The following ABHD5 variants were observed in gnomAD, a reference collection of about 807,000 sequenced individuals.
ABHD5 encodes 1-acylglycerol-3-phosphate O-acyltransferase ABHD5.
Under a neutral mutation model 44.9 loss-of-function variants are expected in ABHD5, and 30 were observed. That is an observed-to-expected ratio of 0.67 (90% CI 0.50 to 0.91). The LOEUF (loss-of-function observed/expected upper bound fraction) is 0.91. ABHD5 is among the 40% of genes least tolerant of loss of function. ABHD5 has a pLI of 0.00. For missense variants in ABHD5, 399 were observed against 423.4 expected (o/e 0.94, Z 0.50); for synonymous variants, 167 against 147.0 (o/e 1.14, Z -0.99).
At chr3:43,694,103 C>CA (rs1266807957) in intron 1 of ABHD5, among the ~76,000 whole-genome samples, 3 of 150,734 alleles carry the variant, frequency 2.0e-5, no homozygotes, top group East Asian at 2.0e-4. Context: ...ATTAAAAATA[C>CA]AAAAAAATTA....
intron 1 of ABHD5, among the ~76,000 whole-genome samples, chr3:43,692,119 G>A (rs994976985): frequency 2.0e-5 from 3 of 152,092 alleles, no homozygotes; most frequent in Non-Finnish European, 4.4e-5. Context: ...ATTTTTTGAC[G>A]TCGGTTCTAC....
chr3:43,725,625 G>A (rs147443747), downstream of ABHD5, among the ~76,000 whole-genome samples: 1 of 152,196 alleles, frequency 6.6e-6, no homozygotes, highest in East Asian at 1.9e-4. Flanking sequence ...TTAAAATATT[G>A]TGTTCATCTG....
intron 2 of ABHD5, 87 bp downstream of exon 2, chr3:43,699,448 C>T: frequency 1.6e-6 from 2 of 1,241,886 alleles, no homozygotes; most frequent in Non-Finnish European, 2.3e-6. Flanking sequence ...AGGTAAGATT[C>T]TGTGGTGTGT....
At chr3:43,696,743 G>T (rs1450968508) in intron 1 of ABHD5, among the ~76,000 whole-genome samples, 1 of 152,180 alleles carries the variant, frequency 6.6e-6, no homozygotes, top group Non-Finnish European at 1.5e-5. Context: ...AGAAGCAGAG[G>T]ATAGTTTCTG....
At chr3:43,699,772 A>C (rs1486710675) in intron 2 of ABHD5, 1 of 173,718 alleles carries the variant, frequency 5.8e-6, no homozygotes, top group Non-Finnish European at 1.2e-5. Context: ...TACTTTCCAA[A>C]CATTGTTTAC....
intron 5 of ABHD5, 61 bp downstream of exon 5, chr3:43,715,119 G>A: frequency 9.0e-7 from 1 of 1,112,140 alleles, no homozygotes; most frequent in South Asian, 1.3e-5. Flanking sequence ...GTGTGTGTGT[G>A]TTTGTGTGTG....
In ABHD5 at chr3:43,721,021, A is replaced by G. The variant is rs982311926; in HGVS notation, c.*2489A>G. The G allele has an allele frequency of 3.3e-5, 5 of 152,116 alleles. No homozygotes were observed. Among genetic ancestry groups the G allele is most frequent in the African/African-American group, 1.2e-4 (5 of 41,426 alleles). The allele number at this position is 152,116 out of a possible 1,614,324, so 9.4% of individuals were successfully genotyped here. The stretch of plus-strand genomic sequence containing the variant: ...TATATATTTATACTTAAAGGGCCAT[A>G]CGCGATTTCAATAAAACAAGAAGTA... On this transcript the variant is annotated 3_prime_UTR_variant, in exon 7 of 7. Transcript: ENST00000644371.
intron 3 of ABHD5, among the ~76,000 whole-genome samples, chr3:43,710,439 G>A (rs1255468147): frequency 3.3e-5 from 5 of 152,186 alleles, no homozygotes; most frequent in African/African-American, 1.2e-4. Flanking sequence ...GTAGAGAAAT[G>A]TGGGTTTCAG....
rs148743497 is a variant in ABHD5 at position 43,702,422 on chromosome 3, G to A, written c.341G>A (p.Arg114Gln). 2 of 1,614,084 alleles carry A rather than the reference G, an allele frequency of 1.2e-6. No individual in the cohort carries two copies. Among genetic ancestry groups the A allele is most frequent in the African/African-American group, 1.3e-5 (1 of 74,944 alleles). The change falls in exon 3 of 7, where the codon CGA becomes CAA. Residue 114 changes from arginine (R) to glutamine (Q), a missense_variant. By Grantham distance (43) the Arg-to-Gln change is conservative. Transcript: ENST00000644371. ...VYAFDLLGFG[R>Q]SSRPRFDSDA... ...GCTTTTGACCTATTGGGTTTTGGAC[G>A]AAGTAGTAGACCCAGGTTTGACAGT...
exon 8 of ABHD5, chr3:43,733,950 G>A (rs1289838727): frequency 6.6e-6 from 1 of 152,202 alleles, no homozygotes; most frequent in African/African-American, 2.4e-5. Context: ...CAACCAATGA[G>A]CTGAGTGGCC....
At position 43,700,773 on chromosome 3, in the gene ABHD5, C is replaced by T. The variant is rs541351383; in HGVS notation, c.133+1412C>T. ...ATTTTTAGTAGAGATGGGGTTTCGC[C>T]ATGTTGACCAGGCTAGTCTTGAACT... is the stretch of plus-strand genomic sequence containing the variant. On this transcript the variant is annotated intron_variant, in intron 2 of 6. Coordinates refer to ENST00000644371, the MANE Select transcript of ABHD5 (RefSeq NM_016006.6). Among the ~76,000 whole-genome samples, 23 of 150,162 alleles carry T rather than the reference C, an allele frequency of 1.5e-4. No homozygotes were observed. In the South Asian group the frequency reaches 2.0e-3, roughly 13 times the overall value.
rs534980794 is a variant in ABHD5, at chr3:43,721,534, C to G, written c.*3002C>G. The G allele has an allele frequency of 6.7e-6, 1 of 148,874 alleles. No homozygotes were observed. Among genetic ancestry groups the G allele is most frequent in the African/African-American group, 2.5e-5 (1 of 40,322 alleles). The allele number at this position is 148,874 out of a possible 1,614,324, so 9.2% of individuals were successfully genotyped here. A position where few individuals can be genotyped will look rare whatever the true frequency, so the allele number is the denominator to read the frequency against. ...TTGAGACCAGGAATTCAAAACCAAC[C>G]TGGGCAACCTAGTAGGACTGGCTCT... On this transcript the variant is annotated 3_prime_UTR_variant, in exon 7 of 7. Transcript: ENST00000644371.
At chr3:43,717,553 T>G in intron 5 of ABHD5, 118 bp from the exon 6 acceptor site, 1 of 1,009,334 alleles carries the variant, frequency 9.9e-7, no homozygotes, top group Non-Finnish European at 1.5e-6. Flanking sequence ...CTATTTAAGC[T>G]GAGGTTTTTC....
downstream of ABHD5, among the ~76,000 whole-genome samples, chr3:43,724,217 T>A (rs1265633413): frequency 2.6e-5 from 4 of 152,032 alleles, no homozygotes; most frequent in Admixed American, 1.3e-4. Flanking sequence ...TTTCTAGGCA[T>A]AAAGAAAGCA....
chr3:43,702,199 T>G lies in ABHD5; in HGVS notation c.134-16T>G, dbSNP rs979899167. 2 of 1,571,608 alleles carry G rather than the reference T, an allele frequency of 1.3e-6. No individual in the cohort carries two copies. Among genetic ancestry groups the G allele is most frequent in the African/African-American group, 2.7e-5 (2 of 73,138 alleles). On this transcript the variant is annotated splice_polypyrimidine_tract_variant and intron_variant, in intron 2 of 6. Coordinates refer to ENST00000644371, the MANE Select transcript of ABHD5 (RefSeq NM_016006.6). ...TAATAAAATGAAACAGAATTTCTCT[T>G]TTATGTTTTCATTAGGTGTGCCTTG...
intron 1 of ABHD5, 70 bp from the exon 2 acceptor site, chr3:43,699,206 T>C: frequency 7.5e-7 from 1 of 1,333,260 alleles, no homozygotes; most frequent in Non-Finnish European, 1.1e-6. Context: ...CTTTCTTCTG[T>C]GCATGTGACA....
At chr3:43,691,980 C>T (rs183232156) in intron 1 of ABHD5, among the ~76,000 whole-genome samples, 4 of 152,306 alleles carry the variant, frequency 2.6e-5, no homozygotes, top group African/African-American at 4.8e-5. Context: ...ACCTAAATGA[C>T]TTCTTGCACT....
chr3:43,717,073 A>G (rs546692024), intron 5 of ABHD5, among the ~76,000 whole-genome samples: 1 of 152,214 alleles, frequency 6.6e-6, no homozygotes, highest in African/African-American at 2.4e-5. Context: ...CAGGAGGCTG[A>G]GGCAGGAGAA....
chr3:43,698,617 T>C (rs2084501595), intron 1 of ABHD5, among the ~76,000 whole-genome samples: 1 of 152,202 alleles, frequency 6.6e-6, no homozygotes, highest in African/African-American at 2.4e-5. Context: ...TCCTTGTTCT[T>C]TGTTGTGCTG....
Sources: allele counts gnomAD v4.1 joint callset (sites outside exome capture counted in the v4.1 genomes callset), GRCh38; gene constraint gnomAD v4.1.1; transcripts MANE v1.5; gene names NCBI Gene and HGNC (gene_info 2026-07-23, HGNC 2026-07-21).